ZNF804A: variants seen among roughly 807,000 people sequenced by gnomAD.
The protein encoded by ZNF804A is zinc finger protein 804A.
In ZNF804A, 2 loss-of-function variants were observed where a neutral mutation model predicts 16.5. That is an observed-to-expected ratio of 0.12 (90% CI 0.05 to 0.38). ZNF804A has a LOEUF of 0.38. ZNF804A is among the 10% of genes least tolerant of loss of function. The pLI is 0.99. For missense variants in ZNF804A, 1,473 were observed against 1,390.7 expected (o/e 1.06, Z -0.94); for synonymous variants, 534 against 489.6 (o/e 1.09, Z -1.20).
intron 1 of ZNF804A, among the ~76,000 whole-genome samples, chr2:184,837,120 T>C (rs551376508): frequency 6.6e-6 from 1 of 152,102 alleles, no homozygotes; most frequent in Admixed American, 6.6e-5. Context: ...CTATGAAGTC[T>C]TTACCATAGC....
chr2:184,893,958 T>C (rs1261292803), intron 2 of ZNF804A, among the ~76,000 whole-genome samples: 1 of 152,196 alleles, frequency 6.6e-6, no homozygotes, highest in Admixed American at 6.5e-5. Flanking sequence ...AGATTCAGAA[T>C]GCCTAGCAAG....
chr2:184,679,441 T>G (rs1406423875), intron 1 of ZNF804A, among the ~76,000 whole-genome samples: 1 of 152,074 alleles, frequency 6.6e-6, no homozygotes, highest in Non-Finnish European at 1.5e-5. Flanking sequence ...CCACCCCTTA[T>G]GAGTTGGTGG....
chr2:184,939,249 C>A lies in ZNF804A; in HGVS notation c.*223C>A. The A allele has an allele frequency of 6.1e-6, 3 of 495,386 alleles. No individual in the cohort carries two copies. Among genetic ancestry groups the A allele is most frequent in the East Asian group, 3.3e-5 (1 of 30,626 alleles). The allele number at this position is 495,386 out of a possible 1,614,324, so 30.7% of individuals were successfully genotyped here. On this transcript the variant is annotated 3_prime_UTR_variant, in exon 4 of 4. Transcript: ENST00000302277. ...GCACTGAATAGTTTGAAAATCAATA[C>A]AATATATGCTATATATTAAAATGAT...
chr2:184,879,791 C>T (rs976693823), intron 2 of ZNF804A, among the ~76,000 whole-genome samples: 2 of 151,954 alleles, frequency 1.3e-5, no homozygotes, highest in Non-Finnish European at 2.9e-5. Context: ...GCAAAGAATA[C>T]AGAACCATAG....
chr2:184,903,146 T>C (rs1685213800), intron 2 of ZNF804A, among the ~76,000 whole-genome samples: 1 of 152,150 alleles, frequency 6.6e-6, no homozygotes, highest in Non-Finnish European at 1.5e-5. Context: ...TTATCAGTAC[T>C]TTCTATTTTT....
intron 1 of ZNF804A, among the ~76,000 whole-genome samples, chr2:184,812,148 T>A (rs958979365): frequency 1.3e-5 from 2 of 152,224 alleles, no homozygotes; most frequent in Admixed American, 6.5e-5. Context: ...TTCTTGTAGA[T>A]TTGAATATCA....
At chr2:184,768,613 G>A (rs1453564420) in intron 1 of ZNF804A, among the ~76,000 whole-genome samples, 1 of 151,960 alleles carries the variant, frequency 6.6e-6, no homozygotes, top group African/African-American at 2.4e-5. Flanking sequence ...GTATTTTTAA[G>A]AATTTTTCAA....
chr2:184,630,241 A>T (rs1691583922), intron 1 of ZNF804A, among the ~76,000 whole-genome samples: 1 of 152,136 alleles, frequency 6.6e-6, no homozygotes, highest in Admixed American at 6.5e-5. Context: ...CCTAGATAAG[A>T]TCCGAAAGAT....
chr2:184,817,868 G>T (rs1384543423), intron 1 of ZNF804A, among the ~76,000 whole-genome samples: 1 of 151,912 alleles, frequency 6.6e-6, no homozygotes, highest in South Asian at 2.1e-4. Context: ...AAAAAAGAAT[G>T]AAAAGTAACA....
chr2:184,894,243 G>A (rs1049869106), intron 2 of ZNF804A, among the ~76,000 whole-genome samples: 13 of 152,014 alleles, frequency 8.6e-5, no homozygotes, highest in African/African-American at 2.4e-4. Context: ...CGGTGAAGGG[G>A]TATGCCAACC....
intron 1 of ZNF804A, among the ~76,000 whole-genome samples, chr2:184,715,392 T>C (rs1693197945): frequency 6.6e-6 from 1 of 151,876 alleles, no homozygotes; most frequent in South Asian, 2.1e-4. Flanking sequence ...AAGTGCAACA[T>C]TTTTTTTAAA....
At chr2:184,751,600 C>T (rs1693879019) in intron 1 of ZNF804A, among the ~76,000 whole-genome samples, 1 of 150,752 alleles carries the variant, frequency 6.6e-6, no homozygotes, top group Non-Finnish European at 1.5e-5. Flanking sequence ...TGAATACCCC[C>T]AAAACAAATG....
chr2:184,719,510 C>T (rs1237300645), intron 1 of ZNF804A, among the ~76,000 whole-genome samples: 1 of 152,206 alleles, frequency 6.6e-6, no homozygotes, highest in South Asian at 2.1e-4. Flanking sequence ...GTTCTCCTTC[C>T]CTTATAAACC....
intron 1 of ZNF804A, among the ~76,000 whole-genome samples, chr2:184,650,903 A>G (rs565630769): frequency 5.3e-5 from 8 of 152,270 alleles, no homozygotes; most frequent in Admixed American, 3.9e-4. Context: ...TTCTTATCAA[A>G]CTACTAATGT....
chr2:184,935,220 T>G (rs1685765490), intron 3 of ZNF804A, among the ~76,000 whole-genome samples: 1 of 152,154 alleles, frequency 6.6e-6, no homozygotes, highest in African/African-American at 2.4e-5. Context: ...GACTAACAAT[T>G]TCAAAAGAGT....
chr2:184,888,942 G>T (rs548875688), intron 2 of ZNF804A, among the ~76,000 whole-genome samples: 1 of 151,380 alleles, frequency 6.6e-6, no homozygotes, highest in Non-Finnish European at 1.5e-5. Flanking sequence ...GTGTATGTGT[G>T]TATAATAAGT....
At chr2:184,903,567 C>A (rs1685219403) in intron 2 of ZNF804A, among the ~76,000 whole-genome samples, 2 of 152,076 alleles carry the variant, frequency 1.3e-5, no homozygotes, top group Admixed American at 1.3e-4. Context: ...ATTCCTCGCC[C>A]AGTTGTTAAG....
At chr2:184,662,363 G>A (rs978221987) in intron 1 of ZNF804A, among the ~76,000 whole-genome samples, 1 of 152,122 alleles carries the variant, frequency 6.6e-6, no homozygotes, top group Non-Finnish European at 1.5e-5. Flanking sequence ...GTCAGGAAGC[G>A]TCAGATTTTT....
Position 184,666,406 on chromosome 2 carries a change from C to G in ZNF804A, c.111+67336C>G, listed in dbSNP as rs1692256541. Among the ~76,000 whole-genome samples, 3 of 151,948 alleles carry G rather than the reference C, an allele frequency of 2.0e-5. No homozygotes were observed. The South Asian group carries it at 6.2e-4, about 32-fold the overall frequency. Reference sequence around the variant, plus strand: ...AAGTACAGTATGATAATCTATTATACCAGATTCAAAATACATGTACTCTAA... The same window carrying G: ...AAGTACAGTATGATAATCTATTATAGCAGATTCAAAATACATGTACTCTAA... On this transcript the variant is annotated intron_variant, in intron 1 of 3. Coordinates refer to ENST00000302277, the MANE Select transcript of ZNF804A (RefSeq NM_194250.2).
Sources: gnomAD v4.1 joint callset for allele counts (sites outside exome capture counted in the v4.1 genomes callset) on GRCh38, gnomAD v4.1.1 for gene constraint, MANE v1.5 for transcripts, NCBI Gene and HGNC (gene_info 2026-07-23, HGNC 2026-07-21) for gene names.